LRPPRC: variants seen among roughly 807,000 people sequenced by gnomAD.
LRPPRC encodes the protein leucine-rich PPR motif-containing protein, mitochondrial.
LRPPRC carries 120 observed loss-of-function variants against 180.3 expected under a neutral mutation model. The observed-to-expected ratio is 0.67, with a 90% CI of 0.57 to 0.77. LRPPRC has a LOEUF of 0.77. LRPPRC is among the 30% of genes least tolerant of loss of function. The pLI, the probability that LRPPRC is intolerant of heterozygous loss-of-function variation, is 0.00. For missense variants in LRPPRC, 2,012 were observed against 1,657.2 expected, an observed-to-expected ratio of 1.21 and a Z score of -3.72; for synonymous variants, 723 against 600.0, an observed-to-expected ratio of 1.21 and a Z score of -3.00.
chr2:43,966,334 C>T (rs983799376), intron 11 of LRPPRC, among the ~76,000 whole-genome samples: 10 of 151,212 alleles, frequency 6.6e-5, no homozygotes, highest in East Asian at 1.9e-4. Flanking sequence ...TTCAGTTATA[C>T]GGTAAATAAG....
At chr2:43,935,491 TAGA>T (rs1294883657) in intron 23 of LRPPRC, among the ~76,000 whole-genome samples, 1 of 152,364 alleles carries the variant, frequency 6.6e-6, no homozygotes, top group East Asian at 1.9e-4. Flanking sequence ...CAGTGAATTC[TAGA>T]AGAATTCTAA....
chr2:43,942,141 C>G (rs1465801891), intron 23 of LRPPRC, among the ~76,000 whole-genome samples: 1 of 152,066 alleles, frequency 6.6e-6, no homozygotes, highest in Non-Finnish European at 1.5e-5. Flanking sequence ...TTTCGGAAAG[C>G]TTTCAGGTCT....
chr2:43,888,377 C>G lies in LRPPRC; in HGVS notation c.*223G>C. On this transcript the variant is annotated 3_prime_UTR_variant, in exon 38 of 38. Coordinates refer to ENST00000260665, the MANE Select transcript of LRPPRC (RefSeq NM_133259.4). ...GAAAAAGTATGGCTTCACACAGCAG[C>G]AGCATTGAAGAAAACACTATCGATT... 1 of 460,426 alleles carries G rather than the reference C, an allele frequency of 2.2e-6. No homozygotes were observed. Among genetic ancestry groups the G allele is most frequent in the Non-Finnish European group, 4.0e-6 (1 of 252,176 alleles). 28.5% of individuals were successfully genotyped at this position (460,426 alleles called of 1,614,324 possible).
intron 11 of LRPPRC, among the ~76,000 whole-genome samples, chr2:43,965,250 G>A (rs890916649): frequency 6.6e-6 from 1 of 152,044 alleles, no homozygotes; most frequent in African/African-American, 2.4e-5. Flanking sequence ...TCCTAGAGAT[G>A]GGGTTTCACC....
chr2:43,932,091 T>C (rs781456394), intron 25 of LRPPRC, among the ~76,000 whole-genome samples: 1 of 111,146 alleles, frequency 9.0e-6, no homozygotes, highest in African/African-American at 3.6e-5. Context: ...ACCACTGTAC[T>C]ACAGCCTGGC....
Position 43,947,276 on chromosome 2 carries a change from A to G in LRPPRC, c.2060T>C (p.Leu687Ser). The stretch of plus-strand genomic sequence containing the variant: ...TGTTACCTCTTCTGAACAAAGCACT[A>G]ATATGAGTTGCTTTAGGACATCTCT... ...PIRDVLKQLILVLCSEENMQK... is the reference protein window; with the variant it reads ...PIRDVLKQLISVLCSEENMQK... Residue 687 changes from leucine (L) to serine (S), a missense_variant, in exon 20 of 38, where the codon TTA becomes TCA. Physicochemically the swap from Leu to Ser is moderately radical, Grantham distance 145. Transcript: ENST00000260665. The G allele has an allele frequency of 6.4e-7, 1 of 1,573,872 alleles. No individual in the cohort carries two copies. Among genetic ancestry groups the G allele is most frequent in the Non-Finnish European group, 8.7e-7 (1 of 1,146,212 alleles).
In LRPPRC at chr2:43,918,131, C is replaced by T; in HGVS notation, c.3042G>A (p.Leu1014=). The change falls in exon 29 of 38, where the codon TTG becomes TTA. Residue 1014 remains leucine (L), a splice_region_variant and synonymous_variant. Transcript: ENST00000260665. ...GGGAATGTTTTTCATCTTCATACCACAACTTTAAAACAAAGTTATTCTGTT... is the reference window on the plus strand; with the variant it reads ...GGGAATGTTTTTCATCTTCATACCATAACTTTAAAACAAAGTTATTCTGTT... ...NQEVPFDVPE[L]WYEDEKHSLN... 6.2e-7 allele frequency: 1 copy of T among 1,611,848 alleles called. No individual in the cohort carries two copies. Among genetic ancestry groups the T allele is most frequent in the Non-Finnish European group, 8.5e-7 (1 of 1,177,984 alleles).
At chr2:43,957,520 GA>G in intron 13 of LRPPRC, 69 bp from the exon 14 acceptor site, 1 of 1,119,568 alleles carries the variant, frequency 8.9e-7, no homozygotes, top group Admixed American at 1.7e-5. Context: ...TTATCAAATT[GA>G]AAACATATTT....
intron 29 of LRPPRC, 135 bp downstream of exon 29, chr2:43,917,890 G>T: frequency 1.5e-6 from 1 of 648,752 alleles, no homozygotes; most frequent in Non-Finnish European, 2.7e-6. Flanking sequence ...AAGTATGGAA[G>T]GGGACAAGAA....
At chr2:43,939,807 A>T (rs1188710111) in intron 23 of LRPPRC, among the ~76,000 whole-genome samples, 1 of 152,220 alleles carries the variant, frequency 6.6e-6, no homozygotes, top group Non-Finnish European at 1.5e-5. Context: ...AAATTTACTC[A>T]AACATGCGTT....
At chr2:43,894,503 G>A in intron 36 of LRPPRC, 42 bp downstream of exon 36, 1 of 943,576 alleles carries the variant, frequency 1.1e-6, no homozygotes, top group Non-Finnish European at 1.7e-6. Flanking sequence ...AAATAATAAA[G>A]CCATTTAAAT....
intron 31 of LRPPRC, chr2:43,902,431 C>CA (rs1291301754): frequency 2.0e-5 from 3 of 152,094 alleles, no homozygotes; most frequent in Admixed American, 2.0e-4. Context: ...GTAACTTAGA[C>CA]AAAACTAAGA....
chr2:43,974,847 T>A, intron 7 of LRPPRC, 89 bp from the exon 8 acceptor site: 1 of 1,312,790 alleles, frequency 7.6e-7, no homozygotes, highest in Non-Finnish European at 1.1e-6. Context: ...TTCAAAAAAC[T>A]AGGGAAAAAT....
intron 36 of LRPPRC, among the ~76,000 whole-genome samples, chr2:43,891,798 T>C (rs188442276): frequency 1.1e-3 from 175 of 152,312 alleles, no homozygotes; most frequent in Non-Finnish European, 1.7e-3. Flanking sequence ...CTTAGCTTAG[T>C]GAGGAAGGCA....
intron 10 of LRPPRC, 26 bp from the exon 11 acceptor site, chr2:43,973,740 C>G (rs1485911005): frequency 2.5e-6 from 4 of 1,603,282 alleles, no homozygotes; most frequent in Non-Finnish European, 3.4e-6. Context: ...TAAAAGATCA[C>G]AAAGCTACCT....
intron 23 of LRPPRC, among the ~76,000 whole-genome samples, chr2:43,939,362 G>C (rs1672393804): frequency 6.6e-6 from 1 of 151,898 alleles, no homozygotes; most frequent in Non-Finnish European, 1.5e-5. Flanking sequence ...TTTTTATTTG[G>C]AATAAAGTAC....
intron 35 of LRPPRC, among the ~76,000 whole-genome samples, chr2:43,895,454 G>A (rs1015961849): frequency 2.0e-5 from 3 of 152,114 alleles, no homozygotes; most frequent in Non-Finnish European, 2.9e-5. Flanking sequence ...TGCATTTCCC[G>A]TCCCATCTCC....
intron 20 of LRPPRC, 54 bp from the exon 21 acceptor site, chr2:43,946,297 TCA>T: frequency 2.8e-6 from 4 of 1,423,496 alleles, no homozygotes; most frequent in Non-Finnish European, 4.0e-6. Context: ...GGTAAAAATG[TCA>T]CATTTTTAGC....
intron 27 of LRPPRC, among the ~76,000 whole-genome samples, chr2:43,918,804 T>C (rs1005839469): frequency 7.3e-6 from 1 of 136,542 alleles, no homozygotes; most frequent in Non-Finnish European, 1.5e-5. Flanking sequence ...TATATATATA[T>C]ATATAGATAT....
Sources: allele counts gnomAD v4.1 joint callset (sites outside exome capture counted in the v4.1 genomes callset), GRCh38; gene constraint gnomAD v4.1.1; transcripts MANE v1.5; gene names NCBI Gene and HGNC (gene_info 2026-07-23, HGNC 2026-07-21).